The following PARP6 variants were observed in gnomAD, a reference collection of about 807,000 sequenced individuals.
PARP6 encodes protein mono-ADP-ribosyltransferase PARP6.
PARP6 carries 27 observed loss-of-function variants against 92.0 expected under a neutral mutation model. That is an observed-to-expected ratio of 0.29 (90% CI 0.22 to 0.40). The LOEUF (loss-of-function observed/expected upper bound fraction) is 0.40, where lower values mean the gene tolerates loss of function less well. Among genes scored for constraint, PARP6 ranks in the 10% least tolerant of loss-of-function variants. The pLI, the probability that PARP6 is intolerant of heterozygous loss-of-function variation, is 1.00. For missense variants in PARP6, 501 were observed against 784.5 expected, an observed-to-expected ratio of 0.64 and a Z score of 4.32; for synonymous variants, 272 against 281.2, an observed-to-expected ratio of 0.97 and a Z score of 0.33.
intron 15 of PARP6, 74 bp from the exon 16 acceptor site, chr15:72,253,578 G>T: frequency 1.6e-6 from 2 of 1,260,616 alleles, no homozygotes; most frequent in South Asian, 1.2e-5. Flanking sequence ...TTCACAGAGT[G>T]ACTATTAGGG....
At chr15:72,246,660 CA>C (rs2083644259) in intron 20 of PARP6, among the ~76,000 whole-genome samples, 1 of 152,082 alleles carries the variant, frequency 6.6e-6, no homozygotes, top group Non-Finnish European at 1.5e-5. Context: ...TATGCCTAAA[CA>C]ATGTTTAATT....
intron 9 of PARP6, 55 bp from the exon 10 acceptor site, chr15:72,260,743 G>T: frequency 7.5e-7 from 1 of 1,335,462 alleles, no homozygotes; most frequent in Non-Finnish European, 1.1e-6. Context: ...TAGGATCCCT[G>T]GAGGGGACTG....
rs1467485868 is a variant in PARP6, at chr15:72,265,984, C to T, written c.89G>A (p.Cys30Tyr). 1.9e-6 allele frequency: 3 copies of T among 1,612,192 alleles called. No individual in the cohort carries two copies. In the South Asian group the frequency reaches 3.3e-5, roughly 18 times the overall value. ...TGGGTGTCGATACAGGTCAGCTGCA[C>T]AGCTCCCCTGAGATAGCAGCAAAAA... The part of the protein sequence containing the change: ...EEFLYGVQGS[C>Y]AADLYRHPQL... The change falls in exon 5 of 24, where the codon TGT becomes TAT. Residue 30 changes from cysteine to tyrosine, a missense_variant. This residue lies in a region of PARP6 where 291 missense variants were observed against 352.0 expected (regional missense o/e 0.83). Coordinates refer to ENST00000569795, the MANE Select transcript of PARP6 (RefSeq NM_001323532.2).
chr15:72,245,698 T>C (rs2083521562), intron 20 of PARP6: 1 of 152,206 alleles, frequency 6.6e-6, no homozygotes, highest in Non-Finnish European at 1.5e-5. Context: ...CTATAATCAA[T>C]TACCCTTTGA....
At position 72,241,396 on chromosome 15, in the gene PARP6, C is replaced by T; in HGVS notation, c.*59G>A. The T allele has an allele frequency of 8.0e-7, 1 of 1,242,266 alleles. No homozygotes were observed. Among genetic ancestry groups the T allele is most frequent in the South Asian group, 1.2e-5 (1 of 82,894 alleles). 77.0% of individuals were successfully genotyped at this position (1,242,266 alleles called of 1,614,324 possible). A position where few individuals can be genotyped will look rare whatever the true frequency, so the allele number is the denominator to read the frequency against. ...CAGCCTCAGCTGCTGTACCTGAACA[C>T]TTTTATGAGGGCAGATGGATCCTGG... is the stretch of plus-strand genomic sequence containing the variant. On this transcript the variant is annotated 3_prime_UTR_variant, in exon 24 of 24. Transcript: ENST00000569795. The surrounding 1 kb of genome is among the most constrained non-coding windows in gnomAD (Gnocchi z 4.1).
chr15:72,241,867 C>T lies in PARP6; in HGVS notation c.1790+34G>A. 2 of 1,502,070 alleles carry T rather than the reference C, an allele frequency of 1.3e-6. No individual in the cohort carries two copies. The highest frequency in any genetic ancestry group is 1.9e-6 in the Non-Finnish European group (2 of 1,078,212). The allele number at this position is 1,502,070 out of a possible 1,614,324, so 93.0% of individuals were successfully genotyped here. On this transcript the variant is annotated intron_variant, in intron 23 of 23. Transcript: ENST00000569795. This position sits in a 1 kb window ranked among gnomAD's most constrained non-coding sequence, Gnocchi z 4.1. ...CACCATCACACCCCCAACCTCACTC[C>T]TCGAGTAATCCCCAGAGTCCCTCCG... is the stretch of plus-strand genomic sequence containing the variant.
At chr15:72,272,142 G>C (rs969290287) in intron 1 of PARP6, 1 of 152,338 alleles carries the variant, frequency 6.6e-6, no homozygotes. Context: ...ACCCCGCAGG[G>C]AGAGAGGACA....
rs891077522 is a variant in PARP6, at chr15:72,242,614, C to T, written c.1641+6G>A. On this transcript the variant is annotated splice_donor_region_variant and intron_variant, in intron 21 of 23. Coordinates refer to ENST00000569795, the MANE Select transcript of PARP6 (RefSeq NM_001323532.2). This position sits in a 1 kb window ranked among gnomAD's most constrained non-coding sequence, Gnocchi z 4.3. ...AGGTCCTGCCTCATTAGAATAGTTC[C>T]AATACCTGGGGGATGGTATTCATCC... is the stretch of plus-strand genomic sequence containing the variant. 9 of 1,581,994 alleles carry T rather than the reference C, an allele frequency of 5.7e-6. No homozygotes were observed. The highest frequency in any genetic ancestry group is 1.3e-5 in the African/African-American group (1 of 74,406).
At chr15:72,264,652 T>C in intron 7 of PARP6, 31 bp from the exon 8 acceptor site, 1 of 1,568,658 alleles carries the variant, frequency 6.4e-7, no homozygotes, top group Non-Finnish European at 8.8e-7. Context: ...TACTAGTAAG[T>C]ACATATCTCT....
rs1208110942 is a variant in PARP6, at chr15:72,241,442, G to T, written c.*13C>A. On this transcript the variant is annotated 3_prime_UTR_variant, in exon 24 of 24. Transcript: ENST00000569795. The surrounding 1 kb of genome is among the most constrained non-coding windows in gnomAD (Gnocchi z 4.1). ...CCTGGGGTAACAGGGGTGGTACGAG[G>T]GCTGGGGCCCCCTCAGTTTGTGTAA... 2.5e-6 allele frequency: 4 copies of T among 1,604,414 alleles called. No homozygotes were observed. Among genetic ancestry groups the T allele is most frequent in the African/African-American group, 2.7e-5 (2 of 74,720 alleles).
At chr15:72,262,749 A>C (rs2086068514) in intron 8 of PARP6, among the ~76,000 whole-genome samples, 1 of 152,164 alleles carries the variant, frequency 6.6e-6, no homozygotes, top group East Asian at 1.9e-4. Flanking sequence ...CTCCTTGCAG[A>C]ACCTGCCCTC....
intron 20 of PARP6, 169 bp downstream of exon 20, chr15:72,249,076 A>C (rs770495807): frequency 4.7e-6 from 2 of 423,686 alleles, no homozygotes; most frequent in Non-Finnish European, 8.5e-6. Context: ...AAAGAATCTA[A>C]ATTTCTAATA....
rs968407313 is a variant in PARP6, at chr15:72,250,964, A to G, written c.1309-10T>C. 6 of 1,555,494 alleles carry G rather than the reference A, an allele frequency of 3.9e-6. No individual in the cohort carries two copies. The highest frequency in any genetic ancestry group is 1.7e-4 in the Middle Eastern group (1 of 5,948). ...TGTGCATGAACTTCAGCTGCTGCCC[A>G]GGGTGGGGGTGGAATCAGGAAAACA... is the stretch of plus-strand genomic sequence containing the variant. On this transcript the variant is annotated splice_polypyrimidine_tract_variant and intron_variant, in intron 17 of 23. Transcript: ENST00000569795.
At chr15:72,266,966 A>G (rs2086683014) in intron 3 of PARP6, 144 bp from the exon 4 acceptor site, 3 of 652,806 alleles carry the variant, frequency 4.6e-6, no homozygotes. Context: ...TACACCTTTC[A>G]TGTCACCCTT....
At chr15:72,256,431 T>C (rs1448695486) in intron 14 of PARP6, 34 bp downstream of exon 14, 2 of 1,484,898 alleles carry the variant, frequency 1.3e-6, no homozygotes, top group South Asian at 1.4e-5. Context: ...TTATCATTTC[T>C]GTTCCTTAGC....
chr15:72,265,911 G>A lies in PARP6; in HGVS notation c.162C>T (p.Asn54=). The change falls in exon 5 of 24, where the codon AAC becomes AAT. Residue 54 remains asparagine (N), a synonymous_variant. Transcript: ENST00000569795. ...IEAVKEIYSE[N]SVSIREYGTI... Reference sequence around the variant, plus strand: ...TAGAGTCCCACCTGATGGATACAGAGTTCTCACTGTAGATCTCCTTCACGG... The same window carrying A: ...TAGAGTCCCACCTGATGGATACAGAATTCTCACTGTAGATCTCCTTCACGG... 6.2e-7 allele frequency: 1 copy of A among 1,612,672 alleles called. No homozygotes were observed. The highest frequency in any genetic ancestry group is 1.1e-5 in the South Asian group (1 of 91,060).
intron 8 of PARP6, among the ~76,000 whole-genome samples, chr15:72,262,233 T>G (rs1381005751): frequency 6.6e-6 from 1 of 152,236 alleles, no homozygotes; most frequent in South Asian, 2.1e-4. Context: ...CTAGCATTAC[T>G]CTAAGGTATT....
intron 2 of PARP6, 126 bp downstream of exon 2, chr15:72,270,897 G>C (rs1206477229): frequency 6.6e-6 from 1 of 152,168 alleles, no homozygotes; most frequent in Non-Finnish European, 1.5e-5. Flanking sequence ...TCTTGAATGA[G>C]AGAATAAATG....
At chr15:72,258,722 GT>G (rs34407333) in intron 11 of PARP6, among the ~76,000 whole-genome samples, 5,673 of 151,896 alleles carry the variant, frequency 0.037, 183 homozygotes, top group African/African-American at 0.089. Context: ...ATCCTACAGC[GT>G]TTTTTTTGTT....
Sources: gnomAD v4.1 joint callset for allele counts (sites outside exome capture counted in the v4.1 genomes callset) on GRCh38, gnomAD v4.1.1 for gene constraint, gnomAD v4.1.1 regional missense constraint, Gnocchi (gnomAD v3.1) non-coding constraint, MANE v1.5 for transcripts, NCBI Gene and HGNC (gene_info 2026-07-23, HGNC 2026-07-21) for gene names.